The following DPYD variants were observed in gnomAD, a reference collection of about 807,000 sequenced individuals.
DPYD encodes the protein dihydropyrimidine dehydrogenase.
A neutral mutation model predicts 116.2 loss-of-function variants in DPYD; 109 were observed. The observed-to-expected ratio is 0.94, with a 90% CI of 0.80 to 1.10. The LOEUF is 1.10. DPYD is among the 50% of genes least tolerant of loss of function. The probability of loss-of-function intolerance (pLI) is 0.00; values close to 1 mark genes in which losing one functional copy is unlikely to be tolerated. For synonymous variants in DPYD, 440 were observed against 432.0 expected (o/e 1.02, Z -0.23); for missense variants, 1,302 against 1,254.5 (o/e 1.04, Z -0.57).
At chr1:97,617,460 T>A (rs1656360657) in intron 8 of DPYD, among the ~76,000 whole-genome samples, 1 of 152,222 alleles carries the variant, frequency 6.6e-6, no homozygotes, top group Non-Finnish European at 1.5e-5. Context: ...TTGGCTTAAA[T>A]AAAATTATAT....
intron 2 of DPYD, among the ~76,000 whole-genome samples, chr1:97,866,221 C>T (rs998096869): frequency 5.9e-5 from 9 of 151,912 alleles, no homozygotes; most frequent in East Asian, 5.8e-4. Flanking sequence ...GGAAGACTTT[C>T]GGTTCAGTTG....
chr1:97,244,241 C>A (rs1333296111), intron 18 of DPYD, among the ~76,000 whole-genome samples: 1 of 151,998 alleles, frequency 6.6e-6, no homozygotes, highest in Non-Finnish European at 1.5e-5. Context: ...TAACCAATTT[C>A]TGTAGAAATA....
At chr1:97,140,198 T>C (rs1654111449) in intron 20 of DPYD, among the ~76,000 whole-genome samples, 1 of 152,060 alleles carries the variant, frequency 6.6e-6, no homozygotes, top group Non-Finnish European at 1.5e-5. Context: ...GTCTGACTAC[T>C]GCTGAGAAAG....
intron 19 of DPYD, among the ~76,000 whole-genome samples, chr1:97,222,628 A>C (rs1660850626): frequency 6.6e-6 from 1 of 152,156 alleles, no homozygotes; most frequent in Non-Finnish European, 1.5e-5. Flanking sequence ...TAATGTGATA[A>C]CTGACACAGC....
At chr1:97,889,545 T>A (rs1672672072) in intron 1 of DPYD, among the ~76,000 whole-genome samples, 1 of 152,002 alleles carries the variant, frequency 6.6e-6, no homozygotes, top group Non-Finnish European at 1.5e-5. Context: ...TTTATCATCA[T>A]AAAGGCTCAA....
At chr1:97,720,642 G>T (rs1342001869) in intron 5 of DPYD, 1 of 1,263,568 alleles carries the variant, frequency 7.9e-7, no homozygotes, top group Non-Finnish European at 1.0e-6. Context: ...TTATGGGAAG[G>T]GTCCCAAAAT....
At chr1:97,477,866 C>T (rs977384095) in intron 13 of DPYD, among the ~76,000 whole-genome samples, 9 of 151,940 alleles carry the variant, frequency 5.9e-5, no homozygotes, top group African/African-American at 1.9e-4. Context: ...GTGATCCACC[C>T]GCCTCGGCCT....
rs777549131 is a variant in DPYD, at chr1:97,828,210, A to G, written c.151-14T>C. The G allele has an allele frequency of 1.9e-6, 3 of 1,610,874 alleles. No individual in the cohort carries two copies. In the African/African-American group the frequency reaches 4.0e-5, roughly 22 times the overall value. ...CTTCTCACAATTCTGCAACATATTT[A>G]AAAATTGCATTAATTCTCTAAGATC... On this transcript the variant is annotated splice_polypyrimidine_tract_variant and intron_variant, in intron 2 of 22. Transcript: ENST00000370192.
At chr1:97,152,597 T>A (rs917728654) in intron 20 of DPYD, among the ~76,000 whole-genome samples, 2 of 151,170 alleles carry the variant, frequency 1.3e-5, no homozygotes, top group East Asian at 1.9e-4. Flanking sequence ...TAATAATTTT[T>A]AAAATATACC....
intron 2 of DPYD, among the ~76,000 whole-genome samples, chr1:97,840,706 G>A (rs1483416192): frequency 6.6e-6 from 1 of 152,054 alleles, no homozygotes; most frequent in Non-Finnish European, 1.5e-5. Flanking sequence ...ATGAAAGGCA[G>A]AAGCATGAGG....
At chr1:97,863,812 T>C (rs1053899277) in intron 2 of DPYD, among the ~76,000 whole-genome samples, 4 of 151,936 alleles carry the variant, frequency 2.6e-5, no homozygotes, top group African/African-American at 7.2e-5. Flanking sequence ...AACACAGTAA[T>C]ATAGATCTGT....
chr1:97,517,511 T>A (rs1396624793), intron 12 of DPYD, among the ~76,000 whole-genome samples: 1 of 152,094 alleles, frequency 6.6e-6, no homozygotes, highest in Non-Finnish European at 1.5e-5. Context: ...GTATTATCAA[T>A]TAAATAAACA....
intron 16 of DPYD, among the ~76,000 whole-genome samples, chr1:97,368,499 G>A (rs1025376469): frequency 2.6e-5 from 4 of 152,158 alleles, no homozygotes; most frequent in Non-Finnish European, 5.9e-5. Context: ...GAGAAGTCCT[G>A]TGGAGCATGC....
At chr1:97,082,596 G>A (rs1371013143) in intron 21 of DPYD, 126 bp from the exon 22 acceptor site, 2 of 1,126,374 alleles carry the variant, frequency 1.8e-6, no homozygotes, top group East Asian at 2.4e-5. Context: ...AGACTGGATA[G>A]TATAATTCTC....
chr1:97,363,387 A>G (rs553688192), intron 16 of DPYD, among the ~76,000 whole-genome samples: 1 of 152,330 alleles, frequency 6.6e-6, no homozygotes, highest in East Asian at 1.9e-4. Context: ...TGTGGAAGAC[A>G]GTGTGGCGAT....
intron 16 of DPYD, among the ~76,000 whole-genome samples, chr1:97,311,663 A>C (rs1313681856): frequency 6.6e-6 from 1 of 151,772 alleles, no homozygotes. Flanking sequence ...CCATAGTAGC[A>C]CTGTTTGAAA....
intron 13 of DPYD, chr1:97,514,364 A>G (rs938507884): frequency 1.9e-6 from 1 of 520,396 alleles, no homozygotes; most frequent in African/African-American, 2.1e-5. Flanking sequence ...TTCAGCTATA[A>G]TTCTTCACCT....
intron 3 of DPYD, among the ~76,000 whole-genome samples, chr1:97,755,948 T>TG (rs756460330): frequency 6.6e-6 from 1 of 152,184 alleles, no homozygotes; most frequent in Non-Finnish European, 1.5e-5. Flanking sequence ...TGTTTTTTAA[T>TG]AGCCACTTGG....
chr1:97,355,398 G>C (rs1466337804), intron 16 of DPYD, among the ~76,000 whole-genome samples: 1 of 152,042 alleles, frequency 6.6e-6, no homozygotes, highest in Non-Finnish European at 1.5e-5. Context: ...TTTTTGTGGT[G>C]AGAACATTTG....
Sources: allele counts gnomAD v4.1 joint callset (sites outside exome capture counted in the v4.1 genomes callset), GRCh38; gene constraint gnomAD v4.1.1; transcripts MANE v1.5; gene names NCBI Gene and HGNC (gene_info 2026-07-23, HGNC 2026-07-21).